The following PCDHGB5 variants were observed in gnomAD, a reference collection of about 807,000 sequenced individuals.
PCDHGB5 encodes protocadherin gamma-B5.
In PCDHGB5, 48 loss-of-function variants were observed where a neutral mutation model predicts 62.9. That is an observed-to-expected ratio of 0.76 (90% CI 0.61 to 0.97). The LOEUF is 0.97. PCDHGB5 is among the 50% of genes least tolerant of loss of function. The probability of loss-of-function intolerance (pLI) is 0.00; values close to 1 mark genes in which losing one functional copy is unlikely to be tolerated. For missense variants in PCDHGB5, 1,118 were observed against 1,198.6 expected, an observed-to-expected ratio of 0.93 and a Z score of 0.99; for synonymous variants, 474 against 511.2, an observed-to-expected ratio of 0.93 and a Z score of 0.98.
chr5:141,410,623 G>T, intron 1 of PCDHGB5: 2 of 1,603,052 alleles, frequency 1.2e-6, no homozygotes, highest in Non-Finnish European at 1.7e-6. Context: ...TGACTTCGGT[G>T]AGTTTCTCTT....
intron 1 of PCDHGB5, among the ~76,000 whole-genome samples, chr5:141,444,152 ATTTTTTTTTTTTTTTT>A (rs747671382): frequency 6.3e-3 from 214 of 33,896 alleles, no homozygotes; most frequent in African/African-American, 0.023. Flanking sequence ...TGTGTACTGG[ATTTTTTTTTTTTTTTT>A]TTTTTTTTTT....
At position 141,432,360 on chromosome 5, in the gene PCDHGB5, C is replaced by T; in HGVS notation, c.2397+31836C>T. On this transcript the variant is annotated intron_variant, in intron 1 of 3. Transcript: ENST00000617380. This position sits in a 1 kb window ranked among gnomAD's most constrained non-coding sequence, Gnocchi z 6.0. Reference sequence around the variant, plus strand: ...CGAGACTTGCAAGTGAAAGTGATGGCGCGGGACAACGGGCACCCGCCCCTC... The same window carrying T: ...CGAGACTTGCAAGTGAAAGTGATGGTGCGGGACAACGGGCACCCGCCCCTC... 1.9e-6 allele frequency: 3 copies of T among 1,614,228 alleles called. No individual in the cohort carries two copies. The highest frequency in any genetic ancestry group is 1.1e-5 in the South Asian group (1 of 91,088).
At chr5:141,409,435 C>T in intron 1 of PCDHGB5, 2 of 1,613,994 alleles carry the variant, frequency 1.2e-6, no homozygotes, top group Non-Finnish European at 1.7e-6. Context: ...GAGCCCTGGA[C>T]CGAGAGCAGA....
chr5:141,403,201 C>T (rs1486888915), intron 1 of PCDHGB5: 2 of 1,614,002 alleles, frequency 1.2e-6, no homozygotes, highest in South Asian at 1.1e-5. Context: ...GCAGCGGCAC[C>T]TTGGTCACCG....
chr5:141,421,854 C>CCTG (rs761444125), intron 1 of PCDHGB5: 2 of 1,613,762 alleles, frequency 1.2e-6, no homozygotes, highest in Non-Finnish European at 1.7e-6. Flanking sequence ...AGGCTGCTCA[C>CCTG]CTGCTCCTCC....
chr5:141,413,117 C>A, intron 1 of PCDHGB5: 1 of 1,509,120 alleles, frequency 6.6e-7, no homozygotes, highest in Non-Finnish European at 8.9e-7. Context: ...ACAAAGGAAC[C>A]GGTTGAAACA....
intron 1 of PCDHGB5, among the ~76,000 whole-genome samples, chr5:141,450,572 T>C (rs1276283357): frequency 6.6e-6 from 1 of 151,710 alleles, no homozygotes; most frequent in Non-Finnish European, 1.5e-5. Context: ...CTGCAACTTC[T>C]GCCTCCCAGG....
intron 1 of PCDHGB5, among the ~76,000 whole-genome samples, chr5:141,445,937 A>C (rs2098482193): frequency 6.6e-6 from 1 of 152,202 alleles, no homozygotes; most frequent in African/African-American, 2.4e-5. Flanking sequence ...TGAATTATTA[A>C]GCTTACTCTG....
rs776335336 is a variant in PCDHGB5 at position 141,403,470 on chromosome 5, G to A, written c.2397+2946G>A. The A allele has an allele frequency of 3.7e-5, 59 of 1,613,910 alleles. No homozygotes were observed. Among genetic ancestry groups the A allele is most frequent in the Non-Finnish European group, 4.8e-5 (57 of 1,179,918 alleles). ...AACTCCCTCCAGAGCTACCAGCTCAGCCCCAATCACCACTTCTCCCTGAAC... is the reference window on the plus strand; with the variant it reads ...AACTCCCTCCAGAGCTACCAGCTCAACCCCAATCACCACTTCTCCCTGAAC... On this transcript the variant is annotated intron_variant, in intron 1 of 3. Coordinates refer to ENST00000617380, the MANE Select transcript of PCDHGB5 (RefSeq NM_018925.3).
chr5:141,427,046 C>G (rs916723344), intron 1 of PCDHGB5: 2 of 457,362 alleles, frequency 4.4e-6, no homozygotes, highest in Admixed American at 4.7e-5. Context: ...AGAATGTGCC[C>G]CCAGGCACCT....
intron 1 of PCDHGB5, chr5:141,426,987 G>C (rs867397302): frequency 1.3e-5 from 6 of 456,602 alleles, no homozygotes; most frequent in African/African-American, 1.2e-4. Context: ...TGATGCCAAC[G>C]ATAATGCCCC....
chr5:141,413,809 C>G, intron 1 of PCDHGB5: 1 of 1,613,188 alleles, frequency 6.2e-7, no homozygotes. Flanking sequence ...AGAGGCCATT[C>G]ACCACCTGGT....
chr5:141,414,792 C>T (rs2095788725), intron 1 of PCDHGB5: 6 of 1,614,230 alleles, frequency 3.7e-6, no homozygotes, highest in African/African-American at 2.7e-5. Flanking sequence ...TGACAGCCAG[C>T]GACAGCGGGG....
intron 2 of PCDHGB5, among the ~76,000 whole-genome samples, chr5:141,502,152 C>T (rs1306227782): frequency 2.0e-5 from 3 of 152,128 alleles, no homozygotes; most frequent in African/African-American, 4.8e-5. Flanking sequence ...AAGTAAGGAC[C>T]CCAGATATTC....
In PCDHGB5 at chr5:141,432,513, G is replaced by T. The variant is rs755227021; in HGVS notation, c.2397+31989G>T. On this transcript the variant is annotated intron_variant, in intron 1 of 3. Coordinates refer to ENST00000617380, the MANE Select transcript of PCDHGB5 (RefSeq NM_018925.3). The surrounding 1 kb of genome is among the most constrained non-coding windows in gnomAD (Gnocchi z 6.0). ...CTGGCTCCCCGCTCCGCAGAGCCCG[G>T]CTACCTGGTGACCAAGGTGGTGGCG... The T allele has an allele frequency of 3.1e-6, 5 of 1,614,102 alleles. No individual in the cohort carries two copies. Among genetic ancestry groups the T allele is most frequent in the African/African-American group, 2.7e-5 (2 of 75,062 alleles).
intron 1 of PCDHGB5, chr5:141,427,984 C>T (rs754620535): frequency 1.9e-6 from 3 of 1,597,494 alleles, no homozygotes; most frequent in South Asian, 1.1e-5. Context: ...GCGCTGGGGC[C>T]CGATGGCTCC....
intron 1 of PCDHGB5, among the ~76,000 whole-genome samples, chr5:141,407,049 C>T (rs1483952329): frequency 6.6e-6 from 1 of 152,162 alleles, no homozygotes. Context: ...TCCATAGATA[C>T]ACTGATGACT....
intron 1 of PCDHGB5, among the ~76,000 whole-genome samples, chr5:141,466,506 G>A (rs1417729031): frequency 6.6e-6 from 1 of 152,156 alleles, no homozygotes; most frequent in Non-Finnish European, 1.5e-5. Context: ...GCACAGACAA[G>A]ATCATTTTTT....
At chr5:141,441,340 C>T (rs2098240395) in intron 1 of PCDHGB5, 1 of 152,330 alleles carries the variant, frequency 6.6e-6, no homozygotes, top group Non-Finnish European at 1.5e-5. Flanking sequence ...CAATAATTAA[C>T]TACATGCTTG....
Sources: allele counts gnomAD v4.1 joint callset (sites outside exome capture counted in the v4.1 genomes callset), GRCh38; gene constraint gnomAD v4.1.1; non-coding constraint Gnocchi (gnomAD v3.1); transcripts MANE v1.5; gene names NCBI Gene and HGNC (gene_info 2026-07-23, HGNC 2026-07-21).